The following COL20A1 variants were observed in gnomAD, a reference collection of about 807,000 sequenced individuals.
COL20A1 encodes the protein collagen type XX alpha 1 chain.
Under a neutral mutation model 152.9 loss-of-function variants are expected in COL20A1, and 164 were observed. The observed-to-expected ratio is 1.07, with a 90% CI of 0.94 to 1.22. The LOEUF (loss-of-function observed/expected upper bound fraction) is 1.22. COL20A1 is among the 50% of genes most tolerant of loss of function. The pLI, the probability that COL20A1 is intolerant of heterozygous loss-of-function variation, is 0.00. For synonymous variants in COL20A1, 864 were observed against 756.0 expected, an observed-to-expected ratio of 1.14 and a Z score of -2.34; for missense variants, 1,873 against 1,744.8, an observed-to-expected ratio of 1.07 and a Z score of -1.31.
Position 63,328,640 on chromosome 20 carries a change from G to A in COL20A1, c.3781+142G>A. The A allele has an allele frequency of 1.3e-5, 11 of 839,970 alleles. No homozygotes were observed. In the South Asian group the frequency reaches 1.7e-4, roughly 13 times the overall value. 52.0% of individuals were successfully genotyped at this position (839,970 alleles called of 1,614,324 possible). A position where few individuals can be genotyped will look rare whatever the true frequency, so the allele number is the denominator to read the frequency against. ...CCACTGTCCAGCCTCTGGGGTGCTG[G>A]GGTGAGGACACGGGGCTTCCCTGAG... On this transcript the variant is annotated intron_variant, in intron 34 of 35. Transcript: ENST00000358894.
At chr20:63,328,850 C>G (rs2068293956) in intron 34 of COL20A1, among the ~76,000 whole-genome samples, 1 of 151,258 alleles carries the variant, frequency 6.6e-6, no homozygotes, top group African/African-American at 2.4e-5. Flanking sequence ...GTCCTCCCCA[C>G]TCCCGCCCTC....
chr20:63,311,462 C>T lies in COL20A1; in HGVS notation c.1462C>T (p.Gln488Ter), dbSNP rs1235934355. 6.4e-7 allele frequency: 1 copy of T among 1,574,316 alleles called. No homozygotes were observed. The highest frequency in any genetic ancestry group is 8.6e-7 in the Non-Finnish European group (1 of 1,160,462). The part of the protein sequence containing the change: ...VTPRTVHLTW[Q>*]PSAGATHYLV... ...GCCCAGAACCGTCCACCTCACCTGG[C>T]AGCCCTCGGCCGGGGCCACCCACTA... The change falls in exon 12 of 36, where the codon CAG becomes TAG. Residue 488 changes from glutamine (Q) to a stop codon, truncating the protein, a stop_gained. Coordinates refer to ENST00000358894, the MANE Select transcript of COL20A1 (RefSeq NM_020882.4). LOFTEE classifies it high-confidence loss of function. The surrounding 1 kb of genome is among the most constrained non-coding windows in gnomAD (Gnocchi z 4.4).
intron 27 of COL20A1, among the ~76,000 whole-genome samples, chr20:63,323,649 T>A (rs2068201805): frequency 6.6e-6 from 1 of 152,216 alleles, no homozygotes; most frequent in Admixed American, 6.5e-5. Context: ...CTGGCTCTCG[T>A]GCTGTCCTAA....
chr20:63,313,697 C>T lies in COL20A1; in HGVS notation c.2210-46C>T. The T allele has an allele frequency of 6.6e-7, 1 of 1,508,746 alleles. No individual in the cohort carries two copies. Among genetic ancestry groups the T allele is most frequent in the Non-Finnish European group, 8.8e-7 (1 of 1,132,358 alleles). 93.5% of individuals were successfully genotyped at this position (1,508,746 alleles called of 1,614,324 possible). On this transcript the variant is annotated intron_variant, in intron 17 of 35. Transcript: ENST00000358894. This position sits in a 1 kb window ranked among gnomAD's most constrained non-coding sequence, Gnocchi z 5.9. Reference sequence around the variant, plus strand: ...TGGTCCTCTGGCCACCGGGTGCCTCCTTTCTGGAGGGGCCTGAGCCCCACA... The same window carrying T: ...TGGTCCTCTGGCCACCGGGTGCCTCTTTTCTGGAGGGGCCTGAGCCCCACA...
At chr20:63,302,408 G>C (rs557180481) in intron 3 of COL20A1, among the ~76,000 whole-genome samples, 101 of 152,300 alleles carry the variant, frequency 6.6e-4, no homozygotes, top group South Asian at 1.2e-3. Context: ...GAAGCCTCCT[G>C]CTTCCAGGTT....
chr20:63,329,154 C>T (rs1323067342), intron 34 of COL20A1: 1 of 195,050 alleles, frequency 5.1e-6, no homozygotes. Context: ...CCTCATCCCA[C>T]AGACGTCTCA....
Position 63,307,630 on chromosome 20 carries a change from C to T in COL20A1, c.637C>T (p.Pro213Ser). The T allele has an allele frequency of 6.2e-7, 1 of 1,612,398 alleles. No individual in the cohort carries two copies. The highest frequency in any genetic ancestry group is 8.5e-7 in the Non-Finnish European group (1 of 1,179,638). Residue 213 changes from proline (P) to serine (S), a missense_variant, in exon 6 of 36, where the codon CCG becomes TCG. Pro to Ser is a moderately conservative substitution (Grantham distance 74). Transcript: ENST00000358894. ...TGTCATCGCACCCTTTGAAATCGGG[C>T]CGGATAAGGTCCAAGTAGGTGGGTG... The part of the protein sequence containing the change: ...ASVIAPFEIG[P>S]DKVQVGLTQY...
chr20:63,321,018 T>A lies in COL20A1; in HGVS notation c.3159T>A (p.Asp1053Glu). The A allele has an allele frequency of 3.8e-6, 6 of 1,575,894 alleles. No homozygotes were observed. Among genetic ancestry groups the A allele is most frequent in the Non-Finnish European group, 5.2e-6 (6 of 1,162,442 alleles). ...DRCCELPASR[D>E]GETCPAFVSA... ...CAGGGTCTCTCTTCTTCCAGAGGGA[T>A]GGAGAGACCTGCCCCGCCTTCGTGT... Residue 1053 changes from aspartate (D) to glutamate (E), a missense_variant, in exon 26 of 36, where the codon GAT (aspartate) becomes GAA (glutamate). Coordinates refer to ENST00000358894, the MANE Select transcript of COL20A1 (RefSeq NM_020882.4).
chr20:63,315,359 G>A (rs11697352), intron 19 of COL20A1, 45 bp from the exon 20 acceptor site: 1 of 1,546,054 alleles, frequency 6.5e-7, no homozygotes, highest in Non-Finnish European at 8.7e-7. Context: ...AGGCGTTGGA[G>A]GCTGGGCCGC....
At chr20:63,314,023 G>A (rs774797038) in intron 18 of COL20A1, 49 bp from the exon 19 acceptor site, 145 of 1,611,144 alleles carry the variant, frequency 9.0e-5, no homozygotes, top group Non-Finnish European at 5.9e-5. Flanking sequence ...CCGCGTGGAC[G>A]AGCAAAGTTG....
At chr20:63,312,335 T>G in intron 14 of COL20A1, 85 bp from the exon 15 acceptor site, 1 of 1,395,612 alleles carries the variant, frequency 7.2e-7, no homozygotes, top group Non-Finnish European at 9.4e-7. Context: ...TAGTCCTGGC[T>G]GCAGGTGCTG....
chr20:63,327,091 A>G (rs1229131622), intron 31 of COL20A1: 1 of 401,258 alleles, frequency 2.5e-6, no homozygotes, highest in East Asian at 4.1e-5. Flanking sequence ...TCGCTCTCCC[A>G]GGGACTTCCT....
Position 63,305,965 on chromosome 20 carries a change from C to T in COL20A1, c.422C>T (p.Thr141Met), listed in dbSNP as rs1263042962. ...SGAPEPTPSHTGSPDPEQASE... is the reference protein window; with the variant it reads ...SGAPEPTPSHMGSPDPEQASE... ...GCCCCGGAGCCCACCCCCTCCCACA[C>T]GGGGAGCCCAGACCCTGAGCAGGCT... Residue 141 changes from threonine to methionine, a missense_variant, in exon 5 of 36, where the codon ACG becomes ATG. Thr to Met is a moderately conservative substitution (Grantham distance 81). Transcript: ENST00000358894. The surrounding 1 kb of genome is among the most constrained non-coding windows in gnomAD (Gnocchi z 4.9). 9.3e-6 allele frequency: 15 copies of T among 1,612,624 alleles called. No individual in the cohort carries two copies. In the South Asian group the frequency reaches 9.9e-5, roughly 11 times the overall value.
chr20:63,321,008 TC>T lies in COL20A1; in HGVS notation c.3154-3del. On this transcript the variant is annotated splice_region_variant and splice_polypyrimidine_tract_variant and intron_variant, in intron 25 of 35. Transcript: ENST00000358894. ...CTCTAATGGGCAGGGTCTCTCTTCT[TC>T]CAGAGGGATGGAGAGACCTGCCCCG... The T allele has an allele frequency of 6.4e-7, 1 of 1,567,214 alleles. No homozygotes were observed. The highest frequency in any genetic ancestry group is 2.4e-5 in the East Asian group (1 of 42,272).
At position 63,319,435 on chromosome 20, in the gene COL20A1, A is replaced by G. The variant is rs1031613503; in HGVS notation, c.2807-52A>G. 7.2e-7 allele frequency: 1 copy of G among 1,393,522 alleles called. No individual in the cohort carries two copies. The highest frequency in any genetic ancestry group is 9.9e-7 in the Non-Finnish European group (1 of 1,008,330). The allele number at this position is 1,393,522 out of a possible 1,614,324, so 86.3% of individuals were successfully genotyped here. A position where few individuals can be genotyped will look rare whatever the true frequency, so the allele number is the denominator to read the frequency against. ...GTGGGGGCCGCCCTGCTCAAGGTATAGGCCCGGCTGGTTGCAGCCCGTTCT... is the reference window on the plus strand; with the variant it reads ...GTGGGGGCCGCCCTGCTCAAGGTATGGGCCCGGCTGGTTGCAGCCCGTTCT... On this transcript the variant is annotated intron_variant, in intron 22 of 35. Transcript: ENST00000358894. The surrounding 1 kb of genome is among the most constrained non-coding windows in gnomAD (Gnocchi z 4.4).
chr20:63,312,310 T>TG (rs1343756619), intron 14 of COL20A1, 110 bp from the exon 15 acceptor site: 2 of 1,287,288 alleles, frequency 1.6e-6, no homozygotes, highest in Non-Finnish European at 2.1e-6. Flanking sequence ...TCCCCGTTTC[T>TG]GGGGGGTCGT....
rs1311795421 is a variant in COL20A1 at position 63,320,168 on chromosome 20, G to A, written c.3046G>A (p.Ala1016Thr). Residue 1016 changes from alanine (A) to threonine (T), a missense_variant, in exon 24 of 36, where the codon GCC becomes ACC. Physicochemically the swap from Ala to Thr is moderately conservative, Grantham distance 58 (BLOSUM62 0). Transcript: ENST00000358894. The part of the protein sequence containing the change: ...GFVTLGRLAK[A>T]RGPRSSSAAF... ...CGTCACGCTGGGGAGGCTGGCCAAG[G>A]CCAGGGGCCCCCGGAGCAGTTCGGC... 3 of 1,559,416 alleles carry A rather than the reference G, an allele frequency of 1.9e-6. No homozygotes were observed. The highest frequency in any genetic ancestry group is 2.6e-6 in the Non-Finnish European group (3 of 1,154,044).
rs764673991 is a variant in COL20A1 at position 63,326,104 on chromosome 20, A to G, written c.3411A>G (p.Arg1137=). 56 of 1,612,556 alleles carry G rather than the reference A, an allele frequency of 3.5e-5. No individual in the cohort carries two copies. The highest frequency in any genetic ancestry group is 4.7e-5 in the Non-Finnish European group (55 of 1,179,664). The part of the protein sequence containing the change: ...RVGLQGPKGM[R]GLEGTAGLPG... Reference sequence around the variant, plus strand: ...CCTTCCTTTGCCATCAGGGAATGAGAGGCCTGGAGGGAACTGCTGGCCTGC... The same window carrying G: ...CCTTCCTTTGCCATCAGGGAATGAGGGGCCTGGAGGGAACTGCTGGCCTGC... Residue 1137 remains arginine (R), a synonymous_variant, in exon 30 of 36, where the codon AGA becomes AGG. Transcript: ENST00000358894.
intron 31 of COL20A1, among the ~76,000 whole-genome samples, chr20:63,327,033 C>T (rs565203423): frequency 1.3e-5 from 2 of 152,150 alleles, no homozygotes; most frequent in South Asian, 2.1e-4. Flanking sequence ...CTAGGGACTT[C>T]CTGGTGACAG....
Sources: allele counts gnomAD v4.1 joint callset (sites outside exome capture counted in the v4.1 genomes callset), GRCh38; gene constraint gnomAD v4.1.1; non-coding constraint Gnocchi (gnomAD v3.1); transcripts MANE v1.5; gene names NCBI Gene and HGNC (gene_info 2026-07-23, HGNC 2026-07-21).